The following BLTP1 variants were observed in gnomAD, a reference collection of about 807,000 sequenced individuals.
The protein encoded by BLTP1 is fragile site-associated protein.
At chr4:122,339,806 A>C in the BLTP1 span, among the ~76,000 whole-genome samples, 1 of 152,216 alleles carries the variant, frequency 6.6e-6, no homozygotes, top group African/African-American at 2.4e-5. Flanking sequence ...GTGTTACCTT[A>C]CAGGGATTTC....
the BLTP1 span, chr4:122,315,740 A>G: frequency 6.4e-7 from 1 of 1,559,272 alleles, no homozygotes; most frequent in East Asian, 2.3e-5. Context: ...ACCCTGAGAC[A>G]GGGATATTTT....
At chr4:122,166,903 G>GT in the BLTP1 span, among the ~76,000 whole-genome samples, 18 of 152,050 alleles carry the variant, frequency 1.2e-4, no homozygotes, top group Admixed American at 1.2e-3. Context: ...TCTGTCCCAG[G>GT]TTTTTCCAGC....
the BLTP1 span, among the ~76,000 whole-genome samples, chr4:122,342,338 T>A: frequency 1.3e-5 from 2 of 151,354 alleles, no homozygotes; most frequent in Non-Finnish European, 2.9e-5. Context: ...GCTATTTTCT[T>A]TTTATTTATT....
At chr4:122,249,186 T>C in the BLTP1 span, 1 of 597,510 alleles carries the variant, frequency 1.7e-6, no homozygotes, top group Non-Finnish European at 2.1e-6. Context: ...TATTTAAAAC[T>C]ACTGTGAAGA....
At chr4:122,182,554 A>G in the BLTP1 span, 18 of 705,642 alleles carry the variant, frequency 2.6e-5, no homozygotes, top group Non-Finnish European at 2.8e-5. Context: ...TCTGTCTGAC[A>G]TAATCCTACT....
At chr4:122,308,420 T>G in the BLTP1 span, among the ~76,000 whole-genome samples, 1 of 152,066 alleles carries the variant, frequency 6.6e-6, no homozygotes, top group Non-Finnish European at 1.5e-5. Flanking sequence ...CTCTTAATTT[T>G]TACCTTCATA....
chr4:122,187,688 TTG>T, the BLTP1 span, among the ~76,000 whole-genome samples: 25 of 152,024 alleles, frequency 1.6e-4, no homozygotes, highest in Non-Finnish European at 3.7e-4. Flanking sequence ...TCTGATAAAT[TTG>T]TGTTTAAATT....
the BLTP1 span, among the ~76,000 whole-genome samples, chr4:122,280,659 A>G: frequency 3.4e-5 from 5 of 147,230 alleles, no homozygotes; most frequent in South Asian, 8.6e-4. Context: ...GCGAAATTCC[A>G]TCTAAAAAAA....
the BLTP1 span, chr4:122,275,993 T>C: frequency 6.4e-7 from 1 of 1,574,062 alleles, no homozygotes; most frequent in Non-Finnish European, 8.6e-7. Context: ...TTCCTACATC[T>C]CCTACAAGTA....
the BLTP1 span, among the ~76,000 whole-genome samples, chr4:122,358,248 A>T: frequency 3.3e-5 from 5 of 152,192 alleles, no homozygotes; most frequent in African/African-American, 9.6e-5. Context: ...AAAACCTGAC[A>T]AATTTGTTTC....
At chr4:122,219,186 T>C in the BLTP1 span, 1 of 978,090 alleles carries the variant, frequency 1.0e-6, no homozygotes, top group Admixed American at 6.1e-5. Context: ...TCTTAACATA[T>C]GTTTTCTTTT....
At chr4:122,342,541 A>G in the BLTP1 span, among the ~76,000 whole-genome samples, 1 of 152,026 alleles carries the variant, frequency 6.6e-6, no homozygotes, top group Admixed American at 6.6e-5. Context: ...CTTTTAGTAG[A>G]GATGGGGTTT....
the BLTP1 span, among the ~76,000 whole-genome samples, chr4:122,161,902 G>A: frequency 4.3e-3 from 660 of 152,276 alleles, 8 homozygotes; most frequent in African/African-American, 0.015. Context: ...CTCAATGCCA[G>A]GAACTTTGTT....
the BLTP1 span, chr4:122,202,611 A>G: frequency 1.1e-5 from 8 of 699,996 alleles, no homozygotes; most frequent in Non-Finnish European, 1.4e-5. Flanking sequence ...CTTTTAAAAT[A>G]GATACCTATC....
chr4:122,205,228 A>G, the BLTP1 span, among the ~76,000 whole-genome samples: 1 of 151,954 alleles, frequency 6.6e-6, no homozygotes, highest in African/African-American at 2.4e-5. Flanking sequence ...TCACAGTTTT[A>G]CCTGTAATTT....
the BLTP1 span, chr4:122,343,396 T>C: frequency 1.2e-6 from 2 of 1,612,354 alleles, no homozygotes; most frequent in Non-Finnish European, 1.7e-6. Context: ...TTCAATTTCC[T>C]GTGCTCACTG....
chr4:122,281,309 A>G, the BLTP1 span: 1 of 978,598 alleles, frequency 1.0e-6, no homozygotes, highest in Non-Finnish European at 1.2e-6. Flanking sequence ...CCTTCACAGT[A>G]TAACATTCTA....
At chr4:122,231,918 A>G in the BLTP1 span, 2 of 759,506 alleles carry the variant, frequency 2.6e-6, no homozygotes, top group Non-Finnish European at 3.2e-6. Context: ...GGAAGATTTG[A>G]CATATATCCG....
chr4:122,243,644 GA>G, the BLTP1 span, among the ~76,000 whole-genome samples: 1 of 152,058 alleles, frequency 6.6e-6, no homozygotes, highest in Non-Finnish European at 1.5e-5. Flanking sequence ...AGCTACTTGG[GA>G]GGAGGAGGTT....
Sources: gnomAD v4.1 joint callset for allele counts (sites outside exome capture counted in the v4.1 genomes callset) on GRCh38, gnomAD v4.1.1 for gene constraint, MANE v1.5 for transcripts, NCBI Gene and HGNC (gene_info 2026-07-23, HGNC 2026-07-21) for gene names.